The following MAPKAPK5 variants were observed in gnomAD, a reference collection of about 807,000 sequenced individuals.
MAPKAPK5 encodes the protein MAPK activated protein kinase 5, also known as MAP kinase-activated protein kinase 5.
Under a neutral mutation model 65.1 loss-of-function variants are expected in MAPKAPK5, and 30 were observed. That is an observed-to-expected ratio of 0.46 (90% CI 0.34 to 0.63). The LOEUF is 0.63. Among genes scored for constraint, MAPKAPK5 ranks in the 20% least tolerant of loss-of-function variants. The pLI is 0.01. For synonymous variants in MAPKAPK5, 179 were observed against 204.6 expected (o/e 0.87, Z 1.07); for missense variants, 433 against 581.4 (o/e 0.74, Z 2.63).
intron 5 of MAPKAPK5, among the ~76,000 whole-genome samples, chr12:111,869,168 A>G (rs2069701502): frequency 6.6e-6 from 1 of 152,180 alleles, no homozygotes; most frequent in African/African-American, 2.4e-5. Context: ...GCATGTAGCT[A>G]CCAAGTACTG....
rs2070807419 is a variant in MAPKAPK5 at position 111,896,190 on chromosome 12, T to C, written c.*3129T>C. On this transcript the variant is annotated 3_prime_UTR_variant, in exon 14 of 14. Transcript: ENST00000550735. ...CTTCTAAAAAGGCTCAGGATGATTA[T>C]TTTTTCCTTCAGTGTATGCTGAATT... The C allele has an allele frequency of 6.6e-6, 1 of 152,234 alleles. No homozygotes were observed. Among genetic ancestry groups the C allele is most frequent in the South Asian group, 2.1e-4 (1 of 4,830 alleles). 9.4% of individuals were successfully genotyped at this position (152,234 alleles called of 1,614,324 possible). A position where few individuals can be genotyped will look rare whatever the true frequency, so the allele number is the denominator to read the frequency against.
rs1566297622 is a variant in MAPKAPK5, at chr12:111,900,396, C to T, written c.*7335C>T. 2 of 456,100 alleles carry T rather than the reference C, an allele frequency of 4.4e-6. No homozygotes were observed. The highest frequency in any genetic ancestry group is 1.5e-5 in the South Asian group (1 of 64,568). The allele number at this position is 456,100 out of a possible 1,614,324, so 28.3% of individuals were successfully genotyped here. A position where few individuals can be genotyped will look rare whatever the true frequency, so the allele number is the denominator to read the frequency against. ...GCACAACCTGGGTATTCAGCACGAC[C>T]ACTCGGCCTGCTTTTGTAAAGATAA... On this transcript the variant is annotated 3_prime_UTR_variant, in exon 14 of 14. Transcript: ENST00000550735.
Position 111,868,632 on chromosome 12 carries a change from G to A in MAPKAPK5, c.285-121G>A, listed in dbSNP as rs1249383215. The A allele has an allele frequency of 3.9e-5, 29 of 737,650 alleles. No individual in the cohort carries two copies. The South Asian group carries it at 4.7e-4, about 12-fold the overall frequency. The allele number at this position is 737,650 out of a possible 1,614,324, so 45.7% of individuals were successfully genotyped here. On this transcript the variant is annotated intron_variant, in intron 4 of 13. Coordinates refer to ENST00000550735, the MANE Select transcript of MAPKAPK5 (RefSeq NM_003668.4). ...AGTAACTGTGTTACCCTGGACTTAG[G>A]AAGTTGTTACACACTTTGTAGATGC...
intron 1 of MAPKAPK5, among the ~76,000 whole-genome samples, chr12:111,863,367 C>T (rs1473012145): frequency 6.6e-6 from 1 of 152,100 alleles, no homozygotes; most frequent in Non-Finnish European, 1.5e-5. Context: ...TGCTGAGAAC[C>T]TTTACCAAGA....
At chr12:111,890,634 A>C (rs1029596573) in intron 13 of MAPKAPK5, among the ~76,000 whole-genome samples, 6 of 152,136 alleles carry the variant, frequency 3.9e-5, no homozygotes, top group African/African-American at 1.4e-4. Context: ...TCCCGAAGCA[A>C]ATAAGGTAGA....
At chr12:111,862,130 G>A (rs1429118644) in intron 1 of MAPKAPK5, among the ~76,000 whole-genome samples, 1 of 152,158 alleles carries the variant, frequency 6.6e-6, no homozygotes, top group African/African-American at 2.4e-5. Context: ...GCCAGCCGTG[G>A]GCAATCTAGT....
At chr12:111,865,656 T>G (rs1328934344) in intron 2 of MAPKAPK5, among the ~76,000 whole-genome samples, 1 of 151,548 alleles carries the variant, frequency 6.6e-6, no homozygotes, top group Non-Finnish European at 1.5e-5. Flanking sequence ...GCCAACATGG[T>G]GAAACCCCGT....
chr12:111,865,434 G>A (rs1268728572), intron 2 of MAPKAPK5, 111 bp downstream of exon 2: 1 of 727,566 alleles, frequency 1.4e-6, no homozygotes, highest in Non-Finnish European at 2.4e-6. Flanking sequence ...CAGATTTGAG[G>A]AATAGGCTGA....
intron 1 of MAPKAPK5, among the ~76,000 whole-genome samples, chr12:111,847,196 A>G (rs748959154): frequency 1.3e-5 from 2 of 151,854 alleles, no homozygotes; most frequent in African/African-American, 2.4e-5. Flanking sequence ...AAACAAAAAA[A>G]AATTAGCTGG....
chr12:111,880,377 C>T (rs2070153760), intron 7 of MAPKAPK5, 70 bp from the exon 8 acceptor site: 2 of 1,240,520 alleles, frequency 1.6e-6, no homozygotes, highest in Admixed American at 3.4e-5. Context: ...CTCATAGTAG[C>T]CTGTCTCAAG....
In MAPKAPK5 at chr12:111,898,538, C is replaced by T. The variant is rs2070898599; in HGVS notation, c.*5477C>T. ...TTGATCCTGATCCTTTATATACTCC[C>T]ATGGTGAAACTTGAGCCCATTTTAC... On this transcript the variant is annotated 3_prime_UTR_variant, in exon 14 of 14. Transcript: ENST00000550735. 1 of 152,106 alleles carries T rather than the reference C, an allele frequency of 6.6e-6. No homozygotes were observed. Among genetic ancestry groups the T allele is most frequent in the Non-Finnish European group, 1.5e-5 (1 of 68,044 alleles). 9.4% of individuals were successfully genotyped at this position (152,106 alleles called of 1,614,324 possible). A position where few individuals can be genotyped will look rare whatever the true frequency, so the allele number is the denominator to read the frequency against.
In MAPKAPK5 at chr12:111,888,499, A is replaced by T; in HGVS notation, c.981A>T (p.Ala327=). 1 of 1,613,712 alleles carries T rather than the reference A, an allele frequency of 6.2e-7. No homozygotes were observed. Among genetic ancestry groups the T allele is most frequent in the Non-Finnish European group, 8.5e-7 (1 of 1,179,792 alleles). ...AQLMMDKAVV[A]GIQQAHAEQL... ...GTGTTTGCATTCAGGCAGTGGTTGC[A>T]GGAATCCAGCAGGCTCACGCGGAAC... Residue 327 remains alanine (A), a synonymous_variant, in exon 11 of 14, where the codon GCA becomes GCT. Transcript: ENST00000550735.
At chr12:111,880,293 A>G (rs991036493) in intron 7 of MAPKAPK5, 154 bp from the exon 8 acceptor site, 1 of 629,880 alleles carries the variant, frequency 1.6e-6, no homozygotes, top group African/African-American at 1.8e-5. Flanking sequence ...TAAGAAAAAA[A>G]CGTTTTTGGA....
chr12:111,864,902 T>G (rs932515975), intron 1 of MAPKAPK5, among the ~76,000 whole-genome samples: 6 of 152,210 alleles, frequency 3.9e-5, no homozygotes, highest in African/African-American at 1.4e-4. Flanking sequence ...TACTTGACCA[T>G]TGTAGCAAAG....
intron 1 of MAPKAPK5, chr12:111,843,034 A>G (rs1313521313): frequency 7.5e-6 from 3 of 398,916 alleles, no homozygotes; most frequent in East Asian, 3.6e-5. Context: ...TGGAGACACT[A>G]TTAAGTGTCA....
chr12:111,854,243 C>CTTTTTTTTTTTTTTTTTTTTTTCT (rs1345112193), intron 1 of MAPKAPK5, among the ~76,000 whole-genome samples: 1 of 141,870 alleles, frequency 7.0e-6, no homozygotes, highest in African/African-American at 2.6e-5. Context: ...TTTTCTTTTT[C>CTTTTTTTTTTTTTTTTTTTTTTCT]TTTTTTTTTT....
intron 13 of MAPKAPK5, among the ~76,000 whole-genome samples, chr12:111,890,600 A>G (rs74351307): frequency 0.029 from 4,352 of 152,268 alleles, 202 homozygotes; most frequent in South Asian, 0.18. Flanking sequence ...AAGTTTGCCA[A>G]ATCTACTGCT....
intron 5 of MAPKAPK5, among the ~76,000 whole-genome samples, chr12:111,869,182 T>C (rs908941897): frequency 2.6e-5 from 4 of 152,192 alleles, no homozygotes; most frequent in Non-Finnish European, 4.4e-5. Context: ...AGTACTGTTA[T>C]TGGACTTTGC....
chr12:111,862,665 C>CT (rs2069480514), intron 1 of MAPKAPK5, among the ~76,000 whole-genome samples: 1 of 152,046 alleles, frequency 6.6e-6, no homozygotes, highest in Non-Finnish European at 1.5e-5. Flanking sequence ...GTGCTCCAGC[C>CT]TGGGCGACAG....
Sources: gnomAD v4.1 joint callset for allele counts (sites outside exome capture counted in the v4.1 genomes callset) on GRCh38, gnomAD v4.1.1 for gene constraint, MANE v1.5 for transcripts, NCBI Gene and HGNC (gene_info 2026-07-23, HGNC 2026-07-21) for gene names.